The following CKM variants were observed in gnomAD, a reference collection of about 807,000 sequenced individuals.
The protein encoded by CKM is creatine kinase M-type.
A neutral mutation model predicts 35.4 loss-of-function variants in CKM; 28 were observed. The ratio of observed to expected loss-of-function variants is 0.79; its 90% CI spans 0.59 to 1.08. The LOEUF (loss-of-function observed/expected upper bound fraction) is 1.08. CKM is among the 50% of genes least tolerant of loss of function. The pLI, the probability that CKM is intolerant of heterozygous loss-of-function variation, is 0.00. For missense variants in CKM, 484 were observed against 509.8 expected (o/e 0.95, Z 0.49); for synonymous variants, 215 against 204.4 (o/e 1.05, Z -0.44).
intron 4 of CKM, 87 bp downstream of exon 4, chr19:45,315,378 G>C (rs539745385): frequency 6.8e-7 from 1 of 1,468,934 alleles, no homozygotes; most frequent in East Asian, 2.3e-5. Flanking sequence ...TGAAAAGCGG[G>C]GGCCCAAAGA....
chr19:45,308,296 C>A, intron 6 of CKM, 113 bp downstream of exon 6: 1 of 1,341,010 alleles, frequency 7.5e-7, no homozygotes, highest in Non-Finnish European at 1.0e-6. Flanking sequence ...GGGGGCAGGG[C>A]CCTGGAAAAT....
chr19:45,315,260 G>A (rs545478397), intron 4 of CKM, among the ~76,000 whole-genome samples: 1 of 152,230 alleles, frequency 6.6e-6, no homozygotes, highest in Admixed American at 6.5e-5. Context: ...GTCTTCTCAG[G>A]GGCCGTCGGG....
chr19:45,307,366 C>T (rs1424536866), intron 7 of CKM, 95 bp downstream of exon 7: 6 of 1,228,808 alleles, frequency 4.9e-6, no homozygotes, highest in East Asian at 5.0e-5. Flanking sequence ...TTGCCGGATC[C>T]CCAGAACTCG....
chr19:45,314,490 T>G (rs965112548), intron 4 of CKM, among the ~76,000 whole-genome samples: 1 of 152,044 alleles, frequency 6.6e-6, no homozygotes, highest in Non-Finnish European at 1.5e-5. Flanking sequence ...CTCAGCTCAC[T>G]GCAACCTCTG....
chr19:45,307,458 T>C lies in CKM; in HGVS notation c.967+3A>G, dbSNP rs113088224. On this transcript the variant is annotated splice_donor_region_variant and intron_variant, in intron 7 of 7. Coordinates refer to ENST00000221476, the MANE Select transcript of CKM (RefSeq NM_001824.5). The stretch of plus-strand genomic sequence containing the variant: ...CGTGGTGCAAAGGATGTGGGAGCCG[T>C]ACCTGTACCCCTCTTCTGCAGACGC... 1 of 1,613,702 alleles carries C rather than the reference T, an allele frequency of 6.2e-7. No homozygotes were observed. Among genetic ancestry groups the C allele is most frequent in the Non-Finnish European group, 8.5e-7 (1 of 1,179,758 alleles).
At position 45,308,434 on chromosome 19, in the gene CKM, C is replaced by T. The variant is rs149354459; in HGVS notation, c.752G>A (p.Arg251His). 6.2e-7 allele frequency: 1 copy of T among 1,614,142 alleles called. No individual in the cohort carries two copies. The highest frequency in any genetic ancestry group is 1.1e-5 in the South Asian group (1 of 91,084). The change falls in exon 6 of 8, where the codon CGC (arginine) becomes CAC (histidine). Residue 251 changes from arginine to histidine, a missense_variant. Physicochemically the swap from Arg to His is conservative, Grantham distance 29. Transcript: ENST00000221476. ...CTTCTGCAGCCCTACGCAGAAGCGG[C>T]GGAAAACCTCCTTCATGTTGCCCCC... ...EKGGNMKEVF[R>H]RFCVGLQKIE...
intron 5 of CKM, among the ~76,000 whole-genome samples, chr19:45,310,225 A>G (rs1026984128): frequency 7.0e-6 from 1 of 143,144 alleles, no homozygotes; most frequent in Non-Finnish European, 1.5e-5. Flanking sequence ...GGTTCACGCC[A>G]TTCTCCTGCC....
intron 5 of CKM, among the ~76,000 whole-genome samples, chr19:45,311,079 T>A (rs1333001355): frequency 7.5e-6 from 1 of 133,376 alleles, no homozygotes; most frequent in Admixed American, 7.6e-5. Context: ...CGCGCCTGGC[T>A]TTTTTTTTTT....
chr19:45,315,872 C>G (rs372405846), intron 3 of CKM, among the ~76,000 whole-genome samples: 1 of 53,364 alleles, frequency 1.9e-5, no homozygotes, highest in East Asian at 3.0e-4. Context: ...GAGACAGGGT[C>G]TCTCTCTGTC....
At chr19:45,313,529 A>G (rs1568510809) in intron 4 of CKM, among the ~76,000 whole-genome samples, 1 of 152,162 alleles carries the variant, frequency 6.6e-6, no homozygotes. Context: ...TGAAAGGAAG[A>G]GTCAACATTT....
chr19:45,319,434 C>CG (rs1421678458), intron 2 of CKM, 87 bp downstream of exon 2: 44 of 1,032,918 alleles, frequency 4.3e-5, no homozygotes, highest in Non-Finnish European at 5.9e-5. Context: ...AGGCCCCCCC[C>CG]CCTTCAAGGG....
rs1413600000 is a variant in CKM, at chr19:45,317,816, G to A, written c.348+9C>T. The stretch of plus-strand genomic sequence containing the variant: ...CCCCTCGGCCCTCCCCTCCTGCGCA[G>A]ACACCGACCTTGAGGTTTTCATGGT... On this transcript the variant is annotated intron_variant, in intron 3 of 7. Transcript: ENST00000221476. The A allele has an allele frequency of 6.2e-7, 1 of 1,613,956 alleles. No homozygotes were observed. Among genetic ancestry groups the A allele is most frequent in the Non-Finnish European group, 8.5e-7 (1 of 1,179,988 alleles).
At chr19:45,315,275 G>T (rs1050985644) in intron 4 of CKM, among the ~76,000 whole-genome samples, 190 bp downstream of exon 4, 6 of 152,120 alleles carry the variant, frequency 3.9e-5, no homozygotes, top group Admixed American at 2.6e-4. Flanking sequence ...GTCGGGTCTG[G>T]ACAGCATCCC....
intron 2 of CKM, 68 bp from the exon 3 acceptor site, chr19:45,318,047 G>A (rs1162259384): frequency 1.2e-5 from 17 of 1,407,192 alleles, no homozygotes; most frequent in Non-Finnish European, 1.6e-5. Context: ...TGTGGGCTCA[G>A]TGGAGCCTGT....
chr19:45,307,005 G>A (rs1971059329), intron 7 of CKM, 77 bp from the exon 8 acceptor site: 4 of 1,434,528 alleles, frequency 2.8e-6, no homozygotes, highest in Admixed American at 3.4e-5. Context: ...CGTGCCAAAT[G>A]CAACAGCCGC....
In CKM at chr19:45,306,678, G is replaced by T; in HGVS notation, c.*72C>A. The T allele has an allele frequency of 6.6e-7, 1 of 1,525,698 alleles. No individual in the cohort carries two copies. The allele number at this position is 1,525,698 out of a possible 1,614,324, so 94.5% of individuals were successfully genotyped here. On this transcript the variant is annotated 3_prime_UTR_variant, in exon 8 of 8. Coordinates refer to ENST00000221476, the MANE Select transcript of CKM (RefSeq NM_001824.5). The surrounding 1 kb of genome is among the most constrained non-coding windows in gnomAD (Gnocchi z 4.5). ...GACAGGGGGCGGGGCGAGGAGTGAGGGAGCAGGACTCTGGTGGGCCAGGCC... is the reference window on the plus strand; with the variant it reads ...GACAGGGGGCGGGGCGAGGAGTGAGTGAGCAGGACTCTGGTGGGCCAGGCC...
Position 45,306,426 on chromosome 19 carries a change from G to A in CKM, c.*324C>T. ...ATCGCACAAAGCTAAGGCCACCAAT[G>A]CTTTTATTTATCGCTTTGCGTGGAG... On this transcript the variant is annotated 3_prime_UTR_variant, in exon 8 of 8. Transcript: ENST00000221476. The surrounding 1 kb of genome is among the most constrained non-coding windows in gnomAD (Gnocchi z 4.5). 1 of 413,508 alleles carries A rather than the reference G, an allele frequency of 2.4e-6. No individual in the cohort carries two copies. The highest frequency in any genetic ancestry group is 7.1e-4 in the Middle Eastern group (1 of 1,400). 25.6% of individuals were successfully genotyped at this position (413,508 alleles called of 1,614,324 possible).
At chr19:45,307,692 A>C (rs1599813640) in intron 6 of CKM, 42 bp from the exon 7 acceptor site, 2 of 1,556,882 alleles carry the variant, frequency 1.3e-6, no homozygotes, top group Non-Finnish European at 1.8e-6. Context: ...GCCGGCAGGC[A>C]CCCCCAAATG....
rs1384643879 is a variant in CKM, at chr19:45,319,393, C to A, written c.193+128G>T. ...ATGTATATTAATGCATTGATTCCCACAACAGCCCCATTTTACAGATGAGAA... is the reference window on the plus strand; with the variant it reads ...ATGTATATTAATGCATTGATTCCCAAAACAGCCCCATTTTACAGATGAGAA... On this transcript the variant is annotated intron_variant, in intron 2 of 7. Transcript: ENST00000221476. The A allele has an allele frequency of 4.1e-6, 3 of 727,380 alleles. No individual in the cohort carries two copies. In the East Asian group the frequency reaches 8.1e-5, roughly 20 times the overall value. The allele number at this position is 727,380 out of a possible 1,614,324, so 45.1% of individuals were successfully genotyped here. A position where few individuals can be genotyped will look rare whatever the true frequency, so the allele number is the denominator to read the frequency against.
Sources: gnomAD v4.1 joint callset for allele counts (sites outside exome capture counted in the v4.1 genomes callset) on GRCh38, gnomAD v4.1.1 for gene constraint, Gnocchi (gnomAD v3.1) non-coding constraint, MANE v1.5 for transcripts, NCBI Gene and HGNC (gene_info 2026-07-23, HGNC 2026-07-21) for gene names.